Variants in RUSC2 observed in about 807,000 individuals in gnomAD.
The protein encoded by RUSC2 is AP-4 complex accessory subunit RUSC2.
RUSC2 carries 34 observed loss-of-function variants against 122.2 expected under a neutral mutation model. The ratio of observed to expected loss-of-function variants is 0.28; its 90% CI spans 0.21 to 0.37. The LOEUF (loss-of-function observed/expected upper bound fraction) is 0.37, where lower values mean the gene tolerates loss of function less well. Ranked by LOEUF, RUSC2 falls within the 10% of genes least tolerant of loss-of-function variation. RUSC2 has a pLI of 1.00. For missense variants in RUSC2, 1,747 were observed against 1,952.4 expected (o/e 0.89, Z 1.98); for synonymous variants, 784 against 790.0 (o/e 0.99, Z 0.13).
chr9:35,531,670 T>C (rs192158802), intron 1 of RUSC2, among the ~76,000 whole-genome samples: 32 of 152,348 alleles, frequency 2.1e-4, no homozygotes, highest in African/African-American at 7.7e-4. Flanking sequence ...AGAGTGGTTA[T>C]ATGGATTAAA....
intron 1 of RUSC2, among the ~76,000 whole-genome samples, chr9:35,537,864 G>A (rs1372289667): frequency 6.6e-6 from 1 of 152,198 alleles, no homozygotes; most frequent in Non-Finnish European, 1.5e-5. Context: ...TAGCAGCAGG[G>A]AGCAGTGGCA....
At chr9:35,514,979 G>A (rs1173513814) in intron 1 of RUSC2, among the ~76,000 whole-genome samples, 1 of 152,122 alleles carries the variant, frequency 6.6e-6, no homozygotes, top group Non-Finnish European at 1.5e-5. Context: ...TGCAGGGGAG[G>A]GAGAAATGTG....
chr9:35,541,882 A>G (rs1390198140), intron 1 of RUSC2, among the ~76,000 whole-genome samples: 1 of 149,492 alleles, frequency 6.7e-6, no homozygotes, highest in African/African-American at 2.4e-5. Context: ...AATTATTTTA[A>G]AATTTTTATA....
chr9:35,560,489 T>C lies in RUSC2; in HGVS notation c.3849T>C (p.Asp1283=). 2.5e-6 allele frequency: 4 copies of C among 1,614,200 alleles called. No homozygotes were observed. The highest frequency in any genetic ancestry group is 3.4e-6 in the Non-Finnish European group (4 of 1,180,004). ...QLMQSSQVYI[D]GSIEGSRFPR... Reference sequence around the variant, plus strand: ...TGCAGAGCTCCCAGGTCTACATCGATGGCTCCATTGAGGGTTCCAGGTTCC... The same window carrying C: ...TGCAGAGCTCCCAGGTCTACATCGACGGCTCCATTGAGGGTTCCAGGTTCC... Residue 1283 remains aspartate (D), a synonymous_variant, in exon 10 of 12, where the codon GAT becomes GAC. Transcript: ENST00000361226.
intron 1 of RUSC2, among the ~76,000 whole-genome samples, chr9:35,511,645 A>C (rs2132505982): frequency 1.3e-5 from 2 of 152,354 alleles, no homozygotes. Flanking sequence ...AAACATTTTA[A>C]TCATCTACCC....
intron 1 of RUSC2, among the ~76,000 whole-genome samples, chr9:35,529,485 T>A (rs1328693833): frequency 6.6e-6 from 1 of 150,606 alleles, no homozygotes; most frequent in Non-Finnish European, 1.5e-5. Context: ...ATGTTTATGG[T>A]GGCATTTTTA....
chr9:35,535,135 T>C (rs945453115), intron 1 of RUSC2, among the ~76,000 whole-genome samples: 4 of 152,068 alleles, frequency 2.6e-5, no homozygotes, highest in African/African-American at 9.7e-5. Flanking sequence ...TTTTTTTAGA[T>C]ATGGAGTGTC....
chr9:35,540,895 A>G (rs1431093484), intron 1 of RUSC2, among the ~76,000 whole-genome samples: 1 of 152,250 alleles, frequency 6.6e-6, no homozygotes, highest in Non-Finnish European at 1.5e-5. Context: ...AAATGTGGAC[A>G]AACTACTTAC....
At chr9:35,504,581 T>A (rs897110710) in intron 1 of RUSC2, among the ~76,000 whole-genome samples, 1 of 151,940 alleles carries the variant, frequency 6.6e-6, no homozygotes. Flanking sequence ...TTCTCCTGCC[T>A]CAGCCTCCCA....
chr9:35,529,294 T>C lies in RUSC2; in HGVS notation c.-92-17136T>C, dbSNP rs150699858. Among the ~76,000 whole-genome samples, 635 of 151,836 alleles carry C rather than the reference T, an allele frequency of 4.2e-3. 6 individuals carry two copies. The highest frequency in any genetic ancestry group is 0.015 in the African/African-American group (610 of 41,434). ...GTAAAATGAACCAGTGAAGCTGCCATGAGGAGTGCTGGGAACACGGCAAAC... is the reference window on the plus strand; with the variant it reads ...GTAAAATGAACCAGTGAAGCTGCCACGAGGAGTGCTGGGAACACGGCAAAC... On this transcript the variant is annotated intron_variant, in intron 1 of 11. Transcript: ENST00000361226.
At chr9:35,549,293 G>T (rs1587863822) in intron 2 of RUSC2, 50 of 801,846 alleles carry the variant, frequency 6.2e-5, no homozygotes, top group East Asian at 2.5e-4. Context: ...CGTCAGTGAA[G>T]TTTTTTTTTT....
chr9:35,490,222 C>G (rs1189816691), intron 1 of RUSC2, 50 bp downstream of exon 1: 3 of 152,596 alleles, frequency 2.0e-5, no homozygotes, highest in South Asian at 2.0e-4. Context: ...CCCACTGCCC[C>G]GCGTTCCAAG....
At chr9:35,512,501 C>G (rs1821027542) in intron 1 of RUSC2, among the ~76,000 whole-genome samples, 1 of 152,088 alleles carries the variant, frequency 6.6e-6, no homozygotes, top group African/African-American at 2.4e-5. Flanking sequence ...GGTAGCTGTT[C>G]TCTTTGAGGC....
rs527309044 is a variant in RUSC2, at chr9:35,560,567, G to T, written c.3927G>T (p.Gly1309=). ...SSEKKKGAGG[G]GPPQAPPPRE... ...AGAAAAAGAAAGGGGCAGGAGGTGG[G>T]GGACCTCCCCAGGCTCCACCACCCC... is the stretch of plus-strand genomic sequence containing the variant. Residue 1309 remains glycine, a synonymous_variant, in exon 10 of 12, where the codon GGG becomes GGT. Coordinates refer to ENST00000361226, the MANE Select transcript of RUSC2 (RefSeq NM_014806.5). 3 of 1,614,114 alleles carry T rather than the reference G, an allele frequency of 1.9e-6. No individual in the cohort carries two copies. The East Asian group carries it at 6.7e-5, about 36-fold the overall frequency.
chr9:35,499,767 G>A (rs561044305), intron 1 of RUSC2, among the ~76,000 whole-genome samples: 1 of 152,172 alleles, frequency 6.6e-6, no homozygotes, highest in South Asian at 2.1e-4. Context: ...AGGGAAAATG[G>A]ACATTTATTT....
intron 1 of RUSC2, among the ~76,000 whole-genome samples, chr9:35,502,789 A>G (rs115054995): frequency 0.023 from 3,569 of 152,278 alleles, 128 homozygotes; most frequent in African/African-American, 0.082. Context: ...AGTACTTTTA[A>G]AAATTTTTCA....
At chr9:35,511,747 A>G (rs1821013488) in intron 1 of RUSC2, among the ~76,000 whole-genome samples, 1 of 152,226 alleles carries the variant, frequency 6.6e-6, no homozygotes, top group African/African-American at 2.4e-5. Context: ...GAAAGTGTAT[A>G]TAAATGGTTA....
At chr9:35,559,742 A>C (rs1189336655) in intron 9 of RUSC2, among the ~76,000 whole-genome samples, 1 of 152,160 alleles carries the variant, frequency 6.6e-6, no homozygotes, top group East Asian at 1.9e-4. Flanking sequence ...CTCAAAAAAC[A>C]AAACAAAAAA....
chr9:35,548,238 T>C lies in RUSC2; in HGVS notation c.1717T>C (p.Phe573Leu). The C allele has an allele frequency of 1.2e-6, 2 of 1,613,458 alleles. No homozygotes were observed. The highest frequency in any genetic ancestry group is 8.5e-7 in the Non-Finnish European group (1 of 1,179,926). Reference protein sequence around the residue: ...RVSVGDSSQEFSPIQEAQQDR... With the variant: ...RVSVGDSSQELSPIQEAQQDR... Reference sequence around the variant, plus strand: ...GAGTGTTGGGGACTCCTCCCAGGAGTTCTCACCCATCCAAGAAGCCCAGCA... The same window carrying C: ...GAGTGTTGGGGACTCCTCCCAGGAGCTCTCACCCATCCAAGAAGCCCAGCA... Residue 573 changes from phenylalanine (F) to leucine (L), a missense_variant, in exon 2 of 12, where the codon TTC (phenylalanine) becomes CTC (leucine). Physicochemically the swap from Phe to Leu is conservative, Grantham distance 22. Transcript: ENST00000361226. This position sits in a 1 kb window ranked among gnomAD's most constrained non-coding sequence, Gnocchi z 4.5.
Sources: gnomAD v4.1 joint callset for allele counts (sites outside exome capture counted in the v4.1 genomes callset) on GRCh38, gnomAD v4.1.1 for gene constraint, Gnocchi (gnomAD v3.1) non-coding constraint, MANE v1.5 for transcripts, NCBI Gene and HGNC (gene_info 2026-07-23, HGNC 2026-07-21) for gene names.